The following HK1 variants were observed in gnomAD, a reference collection of about 807,000 sequenced individuals.
HK1 encodes the protein hexokinase-1.
In HK1, 28 loss-of-function variants were observed where a neutral mutation model predicts 91.6. That is an observed-to-expected ratio of 0.31 (90% CI 0.23 to 0.42). The LOEUF (loss-of-function observed/expected upper bound fraction) is 0.42. Among genes scored for constraint, HK1 ranks in the 10% least tolerant of loss-of-function variants. The pLI, the probability that HK1 is intolerant of heterozygous loss-of-function variation, is 1.00. For synonymous variants in HK1, 430 were observed against 468.1 expected, an observed-to-expected ratio of 0.92 and a Z score of 1.05; for missense variants, 770 against 1,219.8, an observed-to-expected ratio of 0.63 and a Z score of 5.49.
Position 69,300,719 on chromosome 10 carries a change from G to A in HK1, c.-66-50G>A, listed in dbSNP as rs1050321298. On this transcript the variant is annotated intron_variant, in intron 4 of 21. Transcript: ENST00000360289. ...TCATCATCACAGTGAGAAACCAGACGATGACTTTGGAGCATGGCCTAAGAA... is the reference window on the plus strand; with the variant it reads ...TCATCATCACAGTGAGAAACCAGACAATGACTTTGGAGCATGGCCTAAGAA... 6.1e-5 allele frequency: 64 copies of A among 1,046,756 alleles called. 1 individual carries two copies. The East Asian group carries it at 1.4e-3, about 23-fold the overall frequency. 64.8% of individuals were successfully genotyped at this position (1,046,756 alleles called of 1,614,324 possible). A position where few individuals can be genotyped will look rare whatever the true frequency, so the allele number is the denominator to read the frequency against.
chr10:69,352,923 A>G (rs1848951164), intron 2 of HK1, among the ~76,000 whole-genome samples: 1 of 152,212 alleles, frequency 6.6e-6, no homozygotes, highest in Non-Finnish European at 1.5e-5. Context: ...CAACCAACCA[A>G]TATGTGAAAT....
At chr10:69,299,149 C>A (rs1160456696) in intron 4 of HK1, among the ~76,000 whole-genome samples, 1 of 151,088 alleles carries the variant, frequency 6.6e-6, no homozygotes, top group Non-Finnish European at 1.5e-5. Context: ...TACTACCAGT[C>A]AAACACACAA....
chr10:69,288,769 C>T (rs528026907), exon 3 of HK1: 27 of 1,613,138 alleles, frequency 1.7e-5, no homozygotes, highest in African/African-American at 2.7e-5. Context: ...CAGCGAGAAT[C>T]GGTAAGCTCT....
chr10:69,332,240 G>T (rs1269897851), intron 1 of HK1, among the ~76,000 whole-genome samples: 2 of 152,036 alleles, frequency 1.3e-5, no homozygotes, highest in Admixed American at 6.6e-5. Flanking sequence ...GGGCATCCTT[G>T]GGCCTCAGTT....
chr10:69,392,364 T>A (rs1839934226), intron 15 of HK1, 56 bp downstream of exon 15: 8 of 1,580,178 alleles, frequency 5.1e-6, no homozygotes, highest in Non-Finnish European at 6.1e-6. Context: ...AGCACTTGGC[T>A]GCATTCTGCC....
chr10:69,354,005 C>T (rs750443171), intron 2 of HK1, among the ~76,000 whole-genome samples: 20 of 152,150 alleles, frequency 1.3e-4, no homozygotes, highest in African/African-American at 4.1e-4. Context: ...AACGAGCCCT[C>T]GACCTGTGGG....
intron 2 of HK1, among the ~76,000 whole-genome samples, chr10:69,354,596 C>A (rs1424063529): frequency 1.3e-5 from 2 of 152,172 alleles, no homozygotes; most frequent in Admixed American, 6.5e-5. Context: ...GTGGGGGTTA[C>A]AACTCAAGAT....
intron 2 of HK1, among the ~76,000 whole-genome samples, chr10:69,357,291 T>A (rs1310338078): frequency 6.6e-6 from 1 of 152,208 alleles, no homozygotes; most frequent in Non-Finnish European, 1.5e-5. Context: ...ACAAACCAAA[T>A]GTCTGTCAGT....
In HK1 at chr10:69,364,835, T is replaced by C; in HGVS notation, c.428T>C (p.Ile143Thr). The C allele has an allele frequency of 6.2e-7, 1 of 1,614,120 alleles. No individual in the cohort carries two copies. The highest frequency in any genetic ancestry group is 8.5e-7 in the Non-Finnish European group (1 of 1,179,976). ...GGAGATTTCATGGAGAAAAGGAAGATCAAGGACAAGAAGTTACCTGTGGGA... is the reference window on the plus strand; with the variant it reads ...GGAGATTTCATGGAGAAAAGGAAGACCAAGGACAAGAAGTTACCTGTGGGA... ...CLGDFMEKRK[I>T]KDKKLPVGFT... is the part of the protein sequence containing the mutation. Residue 143 changes from isoleucine to threonine, a missense_variant, in exon 4 of 18, where the codon ATC (isoleucine) becomes ACC (threonine). This residue lies in a region of HK1 where 449 missense variants were observed against 665.1 expected (regional missense o/e 0.68). Transcript: ENST00000359426.
intron 3 of HK1, among the ~76,000 whole-genome samples, chr10:69,291,398 A>G (rs1845291953): frequency 6.6e-6 from 1 of 152,176 alleles, no homozygotes; most frequent in South Asian, 2.1e-4. Flanking sequence ...TGTAGTTCTT[A>G]TTGCCTGGAG....
chr10:69,389,325 G>T, intron 14 of HK1, 29 bp downstream of exon 14: 2 of 1,519,996 alleles, frequency 1.3e-6, no homozygotes, highest in Non-Finnish European at 1.8e-6. Context: ...CTCTTTCCCT[G>T]CAGAAGGGAA....
At chr10:69,392,676 A>G (rs923313482) in intron 15 of HK1, among the ~76,000 whole-genome samples, 2 of 152,124 alleles carry the variant, frequency 1.3e-5, no homozygotes, top group African/African-American at 2.4e-5. Context: ...CCCTGTCGCA[A>G]TCGTCCTTTC....
chr10:69,277,171 C>CTAT (rs1844515430), intron 1 of HK1, among the ~76,000 whole-genome samples: 1 of 152,200 alleles, frequency 6.6e-6, no homozygotes. Context: ...TTCTTTAAAT[C>CTAT]TATTACCTTA....
At position 69,318,872 on chromosome 10, in the gene HK1, G is replaced by T. The variant is rs1441010188; in HGVS notation, c.-76G>T. 2.6e-6 allele frequency: 4 copies of T among 1,514,778 alleles called. No individual in the cohort carries two copies. Among genetic ancestry groups the T allele is most frequent in the Admixed American group, 2.1e-5 (1 of 47,136 alleles). 93.8% of individuals were successfully genotyped at this position (1,514,778 alleles called of 1,614,324 possible). ...GAGGAGGAGCCGCCGAGCAGCCGCC[G>T]GAGGACCACGGCTCGCCAGGGCTGC... is the stretch of plus-strand genomic sequence containing the variant. On this transcript the variant is annotated 5_prime_UTR_variant, in exon 1 of 18. Coordinates refer to ENST00000359426, the MANE Select transcript of HK1 (RefSeq NM_000188.3).
chr10:69,378,352 TA>T (rs527731177), intron 8 of HK1, among the ~76,000 whole-genome samples: 43 of 152,130 alleles, frequency 2.8e-4, no homozygotes, highest in Non-Finnish European at 4.9e-4. Context: ...GAGCAGATGT[TA>T]GAGGCATTCT....
At chr10:69,307,512 A>C (rs1027020316) in intron 5 of HK1, among the ~76,000 whole-genome samples, 1 of 152,188 alleles carries the variant, frequency 6.6e-6, no homozygotes, top group African/African-American at 2.4e-5. Context: ...ATATAGTAAA[A>C]TAAATATTGC....
chr10:69,384,900 G>A lies in HK1; in HGVS notation c.1824G>A (p.Gln608=), dbSNP rs1289081194. 1.9e-6 allele frequency: 3 copies of A among 1,614,228 alleles called. No homozygotes were observed. The East Asian group carries it at 6.7e-5, about 36-fold the overall frequency. Reference sequence around the variant, plus strand: ...TCACGTTCTCATTTCCCTGCCAGCAGACGAGTCTGGACGCGGTGAGTCTCT... The same window carrying A: ...TCACGTTCTCATTTCCCTGCCAGCAAACGAGTCTGGACGCGGTGAGTCTCT... ...LGFTFSFPCQ[Q]TSLDAGILIT... is the part of the protein sequence containing the mutation. The change falls in exon 12 of 18, where the codon CAG becomes CAA. Residue 608 remains glutamine (Q), a synonymous_variant. Transcript: ENST00000359426.
At chr10:69,349,921 G>A (rs867407477) in intron 2 of HK1, among the ~76,000 whole-genome samples, 2 of 152,278 alleles carry the variant, frequency 1.3e-5, no homozygotes, top group Middle Eastern at 3.4e-3. Flanking sequence ...GGGAAGTCTC[G>A]CTGTGAGTTG....
intron 7 of HK1, among the ~76,000 whole-genome samples, chr10:69,376,032 A>T (rs1017134016): frequency 6.6e-6 from 1 of 152,190 alleles, no homozygotes; most frequent in African/African-American, 2.4e-5. Context: ...GAGTTCCTCA[A>T]AGCAAATTCT....
Sources: gnomAD v4.1 joint callset for allele counts (sites outside exome capture counted in the v4.1 genomes callset) on GRCh38, gnomAD v4.1.1 for gene constraint, gnomAD v4.1.1 regional missense constraint, MANE v1.5 for transcripts, NCBI Gene and HGNC (gene_info 2026-07-23, HGNC 2026-07-21) for gene names.